PRKG1: variants seen among roughly 807,000 people sequenced by gnomAD.
The protein encoded by PRKG1 is protein kinase cGMP-dependent 1, also known as cGMP-dependent protein kinase 1.
PRKG1 carries 35 observed loss-of-function variants against 88.1 expected under a neutral mutation model. The observed-to-expected ratio is 0.40, with a 90% CI of 0.30 to 0.53. The LOEUF (loss-of-function observed/expected upper bound fraction) is 0.53. Among genes scored for constraint, PRKG1 ranks in the 20% least tolerant of loss-of-function variants. PRKG1 has a pLI of 0.59. For missense variants in PRKG1, 540 were observed against 839.8 expected (o/e 0.64, Z 4.41); for synonymous variants, 303 against 292.5 (o/e 1.04, Z -0.37).
intron 3 of PRKG1, among the ~76,000 whole-genome samples, chr10:51,715,064 T>A (rs989791977): frequency 6.6e-6 from 1 of 152,164 alleles, no homozygotes; most frequent in African/African-American, 2.4e-5. Flanking sequence ...GGTATATTCA[T>A]AAAGTATTTC....
intron 2 of PRKG1, among the ~76,000 whole-genome samples, chr10:51,330,536 C>A (rs1009657138): frequency 2.0e-5 from 3 of 152,150 alleles, no homozygotes; most frequent in Non-Finnish European, 4.4e-5. Context: ...TTTTTCTCAT[C>A]TGACTGTATA....
chr10:51,239,700 G>A (rs1193354863), intron 2 of PRKG1, among the ~76,000 whole-genome samples: 3 of 152,128 alleles, frequency 2.0e-5, no homozygotes, highest in Non-Finnish European at 4.4e-5. Context: ...GTTTGAGTAC[G>A]TGGGCTGAGG....
intron 7 of PRKG1, among the ~76,000 whole-genome samples, chr10:52,127,868 T>C (rs1837139270): frequency 6.6e-6 from 1 of 152,154 alleles, no homozygotes; most frequent in Non-Finnish European, 1.5e-5. Flanking sequence ...TAGTGGAAAG[T>C]GGAATTAGTG....
chr10:51,019,816 C>T (rs1283946300), intron 1 of PRKG1, among the ~76,000 whole-genome samples: 1 of 151,406 alleles, frequency 6.6e-6, no homozygotes, highest in African/African-American at 2.4e-5. Flanking sequence ...CAAAAAAAAA[C>T]TCAATTTAAA....
At chr10:51,693,233 A>G (rs1402947810) in intron 3 of PRKG1, among the ~76,000 whole-genome samples, 1 of 145,958 alleles carries the variant, frequency 6.9e-6, no homozygotes, top group African/African-American at 2.5e-5. Context: ...GGTTGCAGTG[A>G]GCTGAGATTG....
intron 2 of PRKG1, among the ~76,000 whole-genome samples, chr10:51,337,995 A>C (rs1481314672): frequency 1.3e-5 from 2 of 152,240 alleles, no homozygotes; most frequent in African/African-American, 2.4e-5. Context: ...ACATGGAATC[A>C]ACTCAAATAC....
At chr10:51,015,695 T>C (rs959399745) in intron 1 of PRKG1, among the ~76,000 whole-genome samples, 1 of 152,196 alleles carries the variant, frequency 6.6e-6, no homozygotes, top group Non-Finnish European at 1.5e-5. Context: ...GAGACAAGCC[T>C]GGCCAACATG....
chr10:51,913,722 T>C (rs532106048), intron 5 of PRKG1, among the ~76,000 whole-genome samples: 1 of 152,316 alleles, frequency 6.6e-6, no homozygotes, highest in Admixed American at 6.5e-5. Context: ...TCACTGTTAT[T>C]GTCACTGTAG....
At chr10:52,056,142 A>T (rs746503346) in intron 6 of PRKG1, among the ~76,000 whole-genome samples, 6 of 152,184 alleles carry the variant, frequency 3.9e-5, no homozygotes, top group Non-Finnish European at 7.4e-5. Context: ...TTAAAATTAT[A>T]TCTTATATTT....
At chr10:51,932,653 C>T (rs1231998878) in intron 5 of PRKG1, among the ~76,000 whole-genome samples, 1 of 152,090 alleles carries the variant, frequency 6.6e-6, no homozygotes, top group Non-Finnish European at 1.5e-5. Flanking sequence ...AAGGCCCAGC[C>T]CTGGTGGGGA....
intron 7 of PRKG1, chr10:52,128,494 A>G (rs1837163232): frequency 1.0e-6 from 1 of 985,310 alleles, no homozygotes; most frequent in South Asian, 4.7e-5. Flanking sequence ...CCACTTTGGG[A>G]TACAGCGATG....
intron 2 of PRKG1, among the ~76,000 whole-genome samples, chr10:51,374,082 C>CAAAAAAA (rs769407143): frequency 2.9e-4 from 28 of 95,574 alleles, no homozygotes; most frequent in Admixed American, 3.1e-4. Flanking sequence ...GCAGAGGTTG[C>CAAAAAAA]AAAAAAAAAA....
At chr10:52,044,311 C>G (rs995934334) in intron 5 of PRKG1, among the ~76,000 whole-genome samples, 1 of 152,112 alleles carries the variant, frequency 6.6e-6, no homozygotes, top group Non-Finnish European at 1.5e-5. Context: ...GGAAGAAGAT[C>G]AGAGAGCTCA....
intron 9 of PRKG1, among the ~76,000 whole-genome samples, chr10:52,228,355 G>A (rs1375848211): frequency 6.6e-6 from 1 of 151,996 alleles, no homozygotes; most frequent in Non-Finnish European, 1.5e-5. Flanking sequence ...GCTGGTCTCA[G>A]AAGGAATCTG....
intron 3 of PRKG1, among the ~76,000 whole-genome samples, chr10:51,683,931 G>C (rs1318121890): frequency 6.6e-6 from 1 of 152,126 alleles, no homozygotes. Flanking sequence ...TTTGTTTTTC[G>C]GGGGAATGTA....
At chr10:51,776,666 A>AAGG (rs1838445543) in intron 3 of PRKG1, among the ~76,000 whole-genome samples, 1 of 152,040 alleles carries the variant, frequency 6.6e-6, no homozygotes, top group African/African-American at 2.4e-5. Flanking sequence ...CACTACTATA[A>AAGG]ATACAAAAAT....
At chr10:52,211,750 A>AC (rs1449704463) in intron 9 of PRKG1, among the ~76,000 whole-genome samples, 1 of 151,774 alleles carries the variant, frequency 6.6e-6, no homozygotes, top group Non-Finnish European at 1.5e-5. Context: ...TAGTAAAGTA[A>AC]CGGGGGTGAT....
At position 51,005,173 on chromosome 10, in the gene PRKG1, G is replaced by A. The variant is rs60657586; in HGVS notation, c.266+13529G>A. Among the ~76,000 whole-genome samples the A allele has an allele frequency of 3.4e-3, 513 of 152,222 alleles. 1 individual carries two copies. The highest frequency in any genetic ancestry group is 0.012 in the African/African-American group (497 of 41,534). ...AAGGGTATTCAATCGTGTGATTGGA[G>A]CCAAAAGGTAAAATCATTTTGGGGG... On this transcript the variant is annotated intron_variant, in intron 1 of 17. Coordinates refer to the PRKG1 transcript ENST00000401604.
intron 1 of PRKG1, among the ~76,000 whole-genome samples, chr10:51,005,940 G>A (rs1842936263): frequency 6.6e-6 from 1 of 152,174 alleles, no homozygotes; most frequent in South Asian, 2.1e-4. Flanking sequence ...CATATCTGGT[G>A]GAGTTGCAGA....
Sources: gnomAD v4.1 joint callset for allele counts (sites outside exome capture counted in the v4.1 genomes callset) on GRCh38, gnomAD v4.1.1 for gene constraint, MANE v1.5 for transcripts, NCBI Gene and HGNC (gene_info 2026-07-23, HGNC 2026-07-21) for gene names.